LRRC4C: variants seen among roughly 807,000 people sequenced by gnomAD.
LRRC4C encodes leucine-rich repeat-containing protein 4C.
In LRRC4C, 5 loss-of-function variants were observed where a neutral mutation model predicts 33.6. The observed-to-expected ratio is 0.15, with a 90% CI of 0.08 to 0.31. The LOEUF is 0.31. Among genes scored for constraint, LRRC4C ranks in the 10% least tolerant of loss-of-function variants. The pLI is 1.00. For missense variants in LRRC4C, 560 were observed against 796.7 expected, an observed-to-expected ratio of 0.70 and a Z score of 3.58; for synonymous variants, 329 against 302.0, an observed-to-expected ratio of 1.09 and a Z score of -0.93.
chr11:40,559,168 C>T (rs1035721002), intron 3 of LRRC4C, among the ~76,000 whole-genome samples: 2 of 145,454 alleles, frequency 1.4e-5, no homozygotes, highest in Non-Finnish European at 3.0e-5. Flanking sequence ...AATGAAAATT[C>T]GCTTGCATGC....
intron 3 of LRRC4C, among the ~76,000 whole-genome samples, chr11:40,592,911 A>T (rs1959124036): frequency 6.6e-6 from 1 of 152,198 alleles, no homozygotes; most frequent in Non-Finnish European, 1.5e-5. Flanking sequence ...CTTCTTTGTG[A>T]TAGAGGACTC....
intron 5 of LRRC4C, among the ~76,000 whole-genome samples, chr11:40,159,872 A>T (rs72885392): frequency 2.6e-5 from 4 of 152,142 alleles, no homozygotes; most frequent in African/African-American, 9.7e-5. Context: ...ATACTATATA[A>T]CTTGTTCATT....
At chr11:41,351,698 T>A (rs763800766) in intron 1 of LRRC4C, among the ~76,000 whole-genome samples, 7 of 152,176 alleles carry the variant, frequency 4.6e-5, no homozygotes, top group Non-Finnish European at 1.0e-4. Context: ...TTCAGCAACA[T>A]GCATTAATGC....
chr11:40,436,235 C>A (rs550266584), intron 3 of LRRC4C, among the ~76,000 whole-genome samples: 2 of 152,276 alleles, frequency 1.3e-5, no homozygotes, highest in South Asian at 2.1e-4. Context: ...AGAAGACTAA[C>A]AATTATAATA....
intron 2 of LRRC4C, among the ~76,000 whole-genome samples, chr11:40,720,425 T>A (rs143223163): frequency 2.6e-5 from 4 of 152,346 alleles, no homozygotes; most frequent in Non-Finnish European, 4.4e-5. Flanking sequence ...TGTATAGTCA[T>A]CATTTATTTG....
At chr11:40,388,106 T>A (rs892109619) in intron 3 of LRRC4C, among the ~76,000 whole-genome samples, 5 of 152,158 alleles carry the variant, frequency 3.3e-5, no homozygotes, top group African/African-American at 1.2e-4. Context: ...CCACAAACTA[T>A]CTGCTTCTAC....
chr11:40,598,518 T>C (rs747193588), intron 3 of LRRC4C, among the ~76,000 whole-genome samples: 2 of 152,016 alleles, frequency 1.3e-5, no homozygotes, highest in African/African-American at 2.4e-5. Context: ...AAATGTCAGG[T>C]GAGAAAGAAA....
At chr11:41,252,905 A>C (rs1473678117) in intron 1 of LRRC4C, among the ~76,000 whole-genome samples, 1 of 152,122 alleles carries the variant, frequency 6.6e-6, no homozygotes, top group Non-Finnish European at 1.5e-5. Flanking sequence ...TGAAAGATCC[A>C]TCCCCATGAT....
At chr11:40,267,465 C>T (rs569643338) in intron 4 of LRRC4C, among the ~76,000 whole-genome samples, 84 of 152,270 alleles carry the variant, frequency 5.5e-4, no homozygotes, top group Non-Finnish European at 1.0e-3. Flanking sequence ...CATTCTCCTG[C>T]CTCAGCCTGC....
At chr11:40,649,808 T>C (rs1047194381) in intron 2 of LRRC4C, among the ~76,000 whole-genome samples, 6 of 152,212 alleles carry the variant, frequency 3.9e-5, no homozygotes, top group Non-Finnish European at 8.8e-5. Context: ...ATGTCCATAT[T>C]AAAATGAAAT....
At chr11:41,256,463 G>C (rs1177403609) in intron 1 of LRRC4C, among the ~76,000 whole-genome samples, 1 of 151,870 alleles carries the variant, frequency 6.6e-6, no homozygotes, top group East Asian at 1.9e-4. Flanking sequence ...CTGGCATCAA[G>C]ACCCACCATG....
At chr11:41,448,984 G>T (rs191884484) in intron 1 of LRRC4C, among the ~76,000 whole-genome samples, 15 of 152,314 alleles carry the variant, frequency 9.8e-5, no homozygotes, top group African/African-American at 3.4e-4. Context: ...ACAGAGAAAT[G>T]AGATAGTTGT....
At chr11:41,112,121 T>C (rs954878968) in intron 1 of LRRC4C, among the ~76,000 whole-genome samples, 1 of 152,028 alleles carries the variant, frequency 6.6e-6, no homozygotes. Context: ...GTTTGGGAAG[T>C]AAATGAATCC....
chr11:40,599,669 T>A (rs557806838), intron 3 of LRRC4C, among the ~76,000 whole-genome samples: 3 of 152,304 alleles, frequency 2.0e-5, no homozygotes, highest in Admixed American at 6.5e-5. Context: ...ATACCATTGA[T>A]GTCTAGGAAG....
chr11:40,711,188 C>T (rs933852272), intron 2 of LRRC4C, among the ~76,000 whole-genome samples: 2 of 152,178 alleles, frequency 1.3e-5, no homozygotes, highest in Admixed American at 6.5e-5. Context: ...GCTTGCCCTC[C>T]GTGGGCTGCA....
intron 2 of LRRC4C, among the ~76,000 whole-genome samples, chr11:40,772,460 A>G (rs1949798850): frequency 6.6e-6 from 1 of 152,220 alleles, no homozygotes. Flanking sequence ...CAACAGAGTA[A>G]GAAGCAGAAT....
chr11:40,454,392 T>C (rs972479679), intron 3 of LRRC4C, among the ~76,000 whole-genome samples: 3 of 152,158 alleles, frequency 2.0e-5, no homozygotes, highest in African/African-American at 7.2e-5. Flanking sequence ...TAGAGAATTT[T>C]TTTTTTTTGT....
chr11:40,804,933 G>C (rs1951182930), intron 2 of LRRC4C, among the ~76,000 whole-genome samples: 2 of 152,126 alleles, frequency 1.3e-5, no homozygotes, highest in Admixed American at 1.3e-4. Context: ...TTAGATATTG[G>C]AATACATTGA....
At chr11:40,631,514 G>A (rs574278693) in intron 3 of LRRC4C, among the ~76,000 whole-genome samples, 4 of 151,594 alleles carry the variant, frequency 2.6e-5, no homozygotes, top group Admixed American at 1.3e-4. Flanking sequence ...TTTAACCTGC[G>A]AACTCTGACT....
Sources: allele counts gnomAD v4.1 joint callset (sites outside exome capture counted in the v4.1 genomes callset), GRCh38; gene constraint gnomAD v4.1.1; transcripts MANE v1.5; gene names NCBI Gene and HGNC (gene_info 2026-07-23, HGNC 2026-07-21).